Variants in SCAPER observed in about 807,000 individuals in gnomAD.
SCAPER encodes S-phase cyclin A associated protein in the ER.
In SCAPER, 98 loss-of-function variants were observed where a neutral mutation model predicts 182.2. The ratio of observed to expected loss-of-function variants is 0.54; its 90% CI spans 0.46 to 0.64. The LOEUF is 0.64. SCAPER is among the 30% of genes least tolerant of loss of function. The pLI is 0.00. For missense variants in SCAPER, 1,432 were observed against 1,690.0 expected (o/e 0.85, Z 2.68); for synonymous variants, 605 against 564.6 (o/e 1.07, Z -1.01).
At chr15:76,617,908 C>T (rs2051641134) in intron 22 of SCAPER, among the ~76,000 whole-genome samples, 1 of 152,146 alleles carries the variant, frequency 6.6e-6, no homozygotes. Context: ...ATACTGTATA[C>T]CACAGTCATA....
intron 23 of SCAPER, among the ~76,000 whole-genome samples, chr15:76,529,087 A>G (rs1394710240): frequency 6.6e-6 from 1 of 152,202 alleles, no homozygotes; most frequent in Non-Finnish European, 1.5e-5. Context: ...TCTGCTGCCC[A>G]TGGGGGAGTG....
rs532507734 is a variant in SCAPER at position 76,745,791 on chromosome 15, T to C, written c.1866+8017A>G. Among the ~76,000 whole-genome samples the C allele has an allele frequency of 8.4e-4, 128 of 152,338 alleles. 1 individual carries two copies. The highest frequency in any genetic ancestry group is 3.0e-3 in the African/African-American group (126 of 41,582). On this transcript the variant is annotated intron_variant, in intron 15 of 31. Coordinates refer to ENST00000563290, the MANE Select transcript of SCAPER (RefSeq NM_020843.4). ...CAAGTCAAAATGTATGTAAGTCATA[T>C]GACAAAATATCACAAAATGAGAATA...
At chr15:76,516,061 A>G (rs2042392146) in intron 23 of SCAPER, among the ~76,000 whole-genome samples, 1 of 152,216 alleles carries the variant, frequency 6.6e-6, no homozygotes, top group African/African-American at 2.4e-5. Context: ...AGGAGAGACC[A>G]GAGATGTGAA....
chr15:76,402,570 T>C (rs1383247827), intron 27 of SCAPER, among the ~76,000 whole-genome samples: 2 of 152,142 alleles, frequency 1.3e-5, no homozygotes, highest in Non-Finnish European at 2.9e-5. Context: ...TCTTCTGCTA[T>C]AACTATTACT....
At chr15:76,504,322 C>A (rs1182817042) in intron 24 of SCAPER, among the ~76,000 whole-genome samples, 1 of 152,092 alleles carries the variant, frequency 6.6e-6, no homozygotes, top group Non-Finnish European at 1.5e-5. Context: ...CCCCAGGTGG[C>A]CAGGGACTAA....
intron 29 of SCAPER, among the ~76,000 whole-genome samples, chr15:76,360,792 T>C (rs1025415144): frequency 6.6e-6 from 1 of 152,118 alleles, no homozygotes; most frequent in Non-Finnish European, 1.5e-5. Flanking sequence ...ATGTAAGAAC[T>C]TGAAAGAGAG....
intron 5 of SCAPER, among the ~76,000 whole-genome samples, chr15:76,817,044 G>A (rs1192717965): frequency 6.6e-6 from 1 of 152,120 alleles, no homozygotes. Context: ...TAGCACCATA[G>A]GCTTGTTTCT....
intron 20 of SCAPER, among the ~76,000 whole-genome samples, chr15:76,683,632 G>GA (rs1041356233): frequency 3.4e-5 from 5 of 147,672 alleles, no homozygotes; most frequent in South Asian, 2.2e-4. Flanking sequence ...CGAAATGAAA[G>GA]AAAAAAAAAT....
rs569321723 is a variant in SCAPER, at chr15:76,418,016, C to CA, written c.3312-13338dup. On this transcript the variant is annotated intron_variant, in intron 26 of 31. Coordinates refer to ENST00000563290, the MANE Select transcript of SCAPER (RefSeq NM_020843.4). ...CTGGCAACAGAGCAAGACTCCGTCT[C>CA]AAAAAAAAAAATTTTTTTTCAGAGA... is the stretch of plus-strand genomic sequence containing the variant. Among the ~76,000 whole-genome samples the CA allele has an allele frequency of 4.6e-3, 688 of 148,200 alleles. 6 individuals carry two copies. Among genetic ancestry groups the CA allele is most frequent in the Non-Finnish European group, 6.5e-3 (436 of 66,902 alleles).
intron 4 of SCAPER, among the ~76,000 whole-genome samples, chr15:76,852,924 A>G (rs2070905006): frequency 6.6e-6 from 1 of 152,196 alleles, no homozygotes; most frequent in Non-Finnish European, 1.5e-5. Flanking sequence ...AAAATTAATA[A>G]GATAGGCCAC....
At position 76,604,168 on chromosome 15, in the gene SCAPER, T is replaced by G. The variant is rs1293468054; in HGVS notation, c.2711+17596A>C. 1.1e-3 allele frequency among the ~76,000 whole-genome samples: 130 copies of G among 121,288 alleles called. 37 individuals are homozygous for G. The highest frequency in any genetic ancestry group is 2.1e-3 in the Non-Finnish European group (107 of 49,962). 79.6% of individuals were successfully genotyped at this position (121,288 alleles called of 152,430 possible). A position where few individuals can be genotyped will look rare whatever the true frequency, so the allele number is the denominator to read the frequency against. On this transcript the variant is annotated intron_variant, in intron 22 of 31. Coordinates refer to ENST00000563290, the MANE Select transcript of SCAPER (RefSeq NM_020843.4). ...TTTTTATGGTTTTAGGTCTAACCTTTAAGTCTTTAATCCATCTTGAATTAA... is the reference window on the plus strand; with the variant it reads ...TTTTTATGGTTTTAGGTCTAACCTTGAAGTCTTTAATCCATCTTGAATTAA...
At chr15:76,874,318 G>C (rs2072994066) in intron 2 of SCAPER, among the ~76,000 whole-genome samples, 1 of 152,124 alleles carries the variant, frequency 6.6e-6, no homozygotes. Context: ...AAAAGAAACT[G>C]CATAGCTTTA....
At chr15:76,566,081 AAC>A (rs1264016198) in intron 23 of SCAPER, among the ~76,000 whole-genome samples, 1 of 152,108 alleles carries the variant, frequency 6.6e-6, no homozygotes, top group East Asian at 1.9e-4. Flanking sequence ...GCAGGATCTG[AAC>A]ACAGTTTTCT....
chr15:76,597,716 A>C (rs2049614534), intron 22 of SCAPER, among the ~76,000 whole-genome samples: 1 of 121,172 alleles, frequency 8.3e-6, no homozygotes, highest in African/African-American at 2.5e-5. Flanking sequence ...TTCCCTATTT[A>C]ATTAATGGTG....
chr15:76,417,226 A>C (rs202091793), intron 26 of SCAPER, among the ~76,000 whole-genome samples: 4 of 98,812 alleles, frequency 4.0e-5, no homozygotes, highest in African/African-American at 6.0e-5. Context: ...TGTTAAAAAA[A>C]CAAAAAAACA....
At chr15:76,540,162 A>G (rs1306277061) in intron 23 of SCAPER, among the ~76,000 whole-genome samples, 4 of 152,166 alleles carry the variant, frequency 2.6e-5, no homozygotes, top group Non-Finnish European at 2.9e-5. Flanking sequence ...TAAAAAATAA[A>G]TCATGAAGTG....
At chr15:76,357,836 T>C (rs905071777) in intron 29 of SCAPER, among the ~76,000 whole-genome samples, 2 of 152,162 alleles carry the variant, frequency 1.3e-5, no homozygotes, top group African/African-American at 4.8e-5. Context: ...TTAAGTGAAA[T>C]ATTCAGAAAG....
chr15:76,772,246 A>T (rs1253658270), intron 9 of SCAPER, among the ~76,000 whole-genome samples: 3 of 152,054 alleles, frequency 2.0e-5, no homozygotes, highest in Non-Finnish European at 4.4e-5. Flanking sequence ...ATTTGTGATG[A>T]GTATTTTGTA....
At chr15:76,862,574 A>T in intron 2 of SCAPER, 41 bp from the exon 3 acceptor site, 1 of 1,224,566 alleles carries the variant, frequency 8.2e-7, no homozygotes, top group Non-Finnish European at 1.2e-6. Flanking sequence ...TTATTAGATA[A>T]GTCAAAATAT....
Sources: gnomAD v4.1 joint callset for allele counts (sites outside exome capture counted in the v4.1 genomes callset) on GRCh38, gnomAD v4.1.1 for gene constraint, MANE v1.5 for transcripts, NCBI Gene and HGNC (gene_info 2026-07-23, HGNC 2026-07-21) for gene names.